MYO16: variants seen among roughly 807,000 people sequenced by gnomAD.
MYO16 encodes myosin XVI.
In MYO16, 94 loss-of-function variants were observed where a neutral mutation model predicts 205.3. That is an observed-to-expected ratio of 0.46 (90% confidence interval 0.39 to 0.54). The LOEUF is 0.54. MYO16 is among the 20% of genes least tolerant of loss of function. The pLI is 0.00. For missense variants in MYO16, 2,315 were observed against 2,387.5 expected, an observed-to-expected ratio of 0.97 and a Z score of 0.63; for synonymous variants, 988 against 954.0, an observed-to-expected ratio of 1.04 and a Z score of -0.66.
chr13:108,724,790 C>T lies in MYO16; in HGVS notation c.364-2650C>T, dbSNP rs183168875. ...ATTATGTTTTCATTTCTCCCCTTCCCGCCTTTGTTTTATTGCTGTGATATA... is the reference window on the plus strand; with the variant it reads ...ATTATGTTTTCATTTCTCCCCTTCCTGCCTTTGTTTTATTGCTGTGATATA... On this transcript the variant is annotated intron_variant, in intron 3 of 34. Coordinates refer to ENST00000457511, the MANE Select transcript of MYO16 (RefSeq NM_001198950.3). Among the ~76,000 whole-genome samples, 128 of 152,144 alleles carry T rather than the reference C, an allele frequency of 8.4e-4. 1 individual carries two copies. Among genetic ancestry groups the T allele is most frequent in the Non-Finnish European group, 1.4e-3 (95 of 67,996 alleles).
chr13:109,205,220 C>T (rs1345904232), intron 34 of MYO16, among the ~76,000 whole-genome samples: 1 of 152,110 alleles, frequency 6.6e-6, no homozygotes, highest in African/African-American at 2.4e-5. Flanking sequence ...TTACTAATAA[C>T]CAGCTCCAGA....
At chr13:108,918,431 A>G (rs151190721) in intron 16 of MYO16, among the ~76,000 whole-genome samples, 8 of 152,324 alleles carry the variant, frequency 5.3e-5, no homozygotes, top group African/African-American at 1.7e-4. Context: ...TAATAACTCT[A>G]TGAGACTGTT....
intron 4 of MYO16, among the ~76,000 whole-genome samples, chr13:108,754,068 A>G (rs2391689): frequency 0.2 from 30,382 of 152,164 alleles, 3,298 homozygotes; most frequent in African/African-American, 0.25. Context: ...GCACTCAGCT[A>G]TAGCATGCAG....
the MYO16 span, among the ~76,000 whole-genome samples, chr13:108,531,482 G>A: frequency 2.6e-5 from 4 of 152,112 alleles, no homozygotes; most frequent in African/African-American, 9.7e-5. Context: ...CTTGAGATAG[G>A]TTTAAAGTGG....
chr13:109,128,762 T>TTTTTAG (rs1332182382), intron 31 of MYO16, among the ~76,000 whole-genome samples: 87 of 150,044 alleles, frequency 5.8e-4, no homozygotes, highest in Middle Eastern at 3.5e-3. Flanking sequence ...AGTGTCCACT[T>TTTTTAG]TTTTAGTTTT....
At chr13:108,876,824 A>G (rs964772352) in intron 12 of MYO16, among the ~76,000 whole-genome samples, 4 of 151,906 alleles carry the variant, frequency 2.6e-5, no homozygotes. Flanking sequence ...GTGCCACCAC[A>G]CCCACCTAAT....
intron 20 of MYO16, among the ~76,000 whole-genome samples, chr13:108,985,755 G>A (rs776508479): frequency 3.1e-4 from 47 of 152,068 alleles, no homozygotes; most frequent in Non-Finnish European, 8.8e-5. Context: ...TGTTTGATTT[G>A]GCATTGCCAA....
chr13:108,898,351 A>AGAGTGTGTGTGTGTGTGTGT (rs1555310476), intron 15 of MYO16, among the ~76,000 whole-genome samples: 1 of 144,992 alleles, frequency 6.9e-6, no homozygotes, highest in Non-Finnish European at 1.5e-5. Context: ...AGGGTGTGTG[A>AGAGTGTGTGTGTGTGTGTGT]GTGTGTGTGT....
At chr13:109,148,413 A>C (rs745912481) in intron 32 of MYO16, among the ~76,000 whole-genome samples, 1 of 152,248 alleles carries the variant, frequency 6.6e-6, no homozygotes, top group Non-Finnish European at 1.5e-5. Flanking sequence ...ATTCCCTTAC[A>C]GTCATCCAAT....
the MYO16 span, among the ~76,000 whole-genome samples, chr13:108,548,626 G>T: frequency 1.4e-3 from 212 of 152,094 alleles, 1 homozygote; most frequent in African/African-American, 4.7e-3. Flanking sequence ...GGATGATGAT[G>T]ATAGGGTGAT....
intron 31 of MYO16, among the ~76,000 whole-genome samples, chr13:109,137,453 T>C (rs998864761): frequency 1.3e-5 from 2 of 152,218 alleles, no homozygotes; most frequent in Non-Finnish European, 2.9e-5. Context: ...AGCAACTCTG[T>C]AATCTTAATG....
the MYO16 span, among the ~76,000 whole-genome samples, chr13:108,504,917 T>A: frequency 2.0e-5 from 3 of 152,208 alleles, no homozygotes; most frequent in Non-Finnish European, 4.4e-5. Flanking sequence ...TATTTGATAT[T>A]TTGTAACTAT....
At chr13:108,523,567 A>G in the MYO16 span, among the ~76,000 whole-genome samples, 1 of 152,116 alleles carries the variant, frequency 6.6e-6, no homozygotes, top group South Asian at 2.1e-4. Context: ...ATTCAATCTT[A>G]TTCAAGCTCT....
chr13:109,038,089 G>A (rs749989128), intron 23 of MYO16, among the ~76,000 whole-genome samples: 1 of 152,162 alleles, frequency 6.6e-6, no homozygotes, highest in Non-Finnish European at 1.5e-5. Flanking sequence ...AGACAGTGAG[G>A]ATTTATCAGG....
At chr13:108,894,836 G>C (rs532589234) in intron 14 of MYO16, among the ~76,000 whole-genome samples, 1 of 152,276 alleles carries the variant, frequency 6.6e-6, no homozygotes, top group Admixed American at 6.5e-5. Flanking sequence ...GTTAGGAAGG[G>C]CTGTTTTGTT....
intron 2 of MYO16, among the ~76,000 whole-genome samples, chr13:108,700,304 C>G (rs2139516903): frequency 7.2e-6 from 1 of 138,518 alleles, no homozygotes; most frequent in Non-Finnish European, 1.5e-5. Flanking sequence ...TGCACTGCAG[C>G]TTGGGCAACA....
intron 34 of MYO16, among the ~76,000 whole-genome samples, chr13:109,186,060 G>A (rs1010934620): frequency 6.6e-6 from 1 of 152,082 alleles, no homozygotes; most frequent in African/African-American, 2.4e-5. Context: ...CCGCTACTTG[G>A]GAGGCTGAGG....
chr13:108,968,456 A>G (rs112244696), intron 20 of MYO16, among the ~76,000 whole-genome samples: 1 of 151,930 alleles, frequency 6.6e-6, no homozygotes, highest in African/African-American at 2.4e-5. Flanking sequence ...CTAAAAATAC[A>G]AAATACAAAA....
chr13:108,588,104 G>T, the MYO16 span, among the ~76,000 whole-genome samples: 1 of 151,832 alleles, frequency 6.6e-6, no homozygotes, highest in Non-Finnish European at 1.5e-5. Flanking sequence ...TATTTTTTCC[G>T]AGCTTTTTAT....
Sources: allele counts gnomAD v4.1 joint callset (sites outside exome capture counted in the v4.1 genomes callset), GRCh38; gene constraint gnomAD v4.1.1; transcripts MANE v1.5; gene names NCBI Gene and HGNC (gene_info 2026-07-23, HGNC 2026-07-21).